The following GNA12 variants were observed in gnomAD, a reference collection of about 807,000 sequenced individuals.
GNA12 encodes guanine nucleotide-binding protein subunit alpha-12.
A neutral mutation model predicts 26.0 loss-of-function variants in GNA12; 9 were observed. The observed-to-expected ratio is 0.35, with a 90% CI of 0.21 to 0.60. GNA12 has a LOEUF of 0.60. Among genes scored for constraint, GNA12 ranks in the 20% least tolerant of loss-of-function variants. GNA12 has a pLI of 0.78. For synonymous variants in GNA12, 264 were observed against 219.6 expected (o/e 1.20, Z -1.79); for missense variants, 405 against 525.8 (o/e 0.77, Z 2.25).
At chr7:2,777,383 A>C (rs117826055) in intron 2 of GNA12, among the ~76,000 whole-genome samples, 5 of 152,242 alleles carry the variant, frequency 3.3e-5, no homozygotes, top group Non-Finnish European at 7.3e-5. Context: ...GGGCGAAGCT[A>C]TATGTTTGGA....
chr7:2,827,885 T>C (rs899207716), intron 1 of GNA12, among the ~76,000 whole-genome samples: 2 of 152,086 alleles, frequency 1.3e-5, no homozygotes, highest in African/African-American at 4.8e-5. Context: ...AACACCTACA[T>C]TTGAAACATT....
chr7:2,787,697 C>T (rs1027872312), intron 2 of GNA12, among the ~76,000 whole-genome samples: 1 of 152,250 alleles, frequency 6.6e-6, no homozygotes, highest in African/African-American at 2.4e-5. Flanking sequence ...ATTCTTGACA[C>T]TGGCCAGGCA....
At chr7:2,743,019 A>AGGGCT in intron 2 of GNA12, among the ~76,000 whole-genome samples, 1 of 152,232 alleles carries the variant, frequency 6.6e-6, no homozygotes, top group Non-Finnish European at 1.5e-5. Context: ...TCAGACAGAA[A>AGGGCT]GCCTACCATC....
chr7:2,732,546 A>G (rs552951591), intron 3 of GNA12, among the ~76,000 whole-genome samples: 15 of 152,284 alleles, frequency 9.9e-5, no homozygotes, highest in Admixed American at 2.6e-4. Flanking sequence ...ACCCTGTCTC[A>G]AAAAATCGAA....
chr7:2,782,724 A>G (rs1792261067), intron 2 of GNA12, among the ~76,000 whole-genome samples: 1 of 151,424 alleles, frequency 6.6e-6, no homozygotes, highest in African/African-American at 2.4e-5. Context: ...TTTACCAGCC[A>G]CCGTCACTTC....
intron 2 of GNA12, among the ~76,000 whole-genome samples, chr7:2,755,329 C>G (rs1791242887): frequency 1.3e-5 from 2 of 152,356 alleles, no homozygotes; most frequent in Admixed American, 6.5e-5. Context: ...TGTGTCAAAT[C>G]TGTGTATCAA....
intron 1 of GNA12, among the ~76,000 whole-genome samples, chr7:2,799,895 G>C (rs1017027695): frequency 6.6e-6 from 1 of 152,184 alleles, no homozygotes; most frequent in Non-Finnish European, 1.5e-5. Context: ...CGGAGGTGAG[G>C]AGGCGGAGAC....
rs35870081 is a variant in GNA12 at position 2,807,585 on chromosome 7, GA to G, written c.310-12443del. ...GAGCATTAAAATAAGGTATAAGAGAGAAAAAAAAAAAAACCTAGCCAGGATA... is the reference window on the plus strand; with the variant it reads ...GAGCATTAAAATAAGGTATAAGAGAGAAAAAAAAAAAACCTAGCCAGGATA... On this transcript the variant is annotated intron_variant, in intron 1 of 3. Transcript: ENST00000275364. Among the ~76,000 whole-genome samples the G allele has an allele frequency of 2.9e-3, 390 of 136,280 alleles. 4 individuals are homozygous for G. The highest frequency in any genetic ancestry group is 8.2e-3 in the South Asian group (35 of 4,286). The allele number at this position is 136,280 out of a possible 152,430, so 89.4% of individuals were successfully genotyped here.
intron 2 of GNA12, among the ~76,000 whole-genome samples, chr7:2,771,808 C>T (rs1583267988): frequency 6.6e-6 from 1 of 151,550 alleles, no homozygotes. Context: ...TGTGGAAGGG[C>T]TAGCTCATGT....
At position 2,843,568 on chromosome 7, in the gene GNA12, G is replaced by C. The variant is rs144800694; in HGVS notation, c.309+285C>G. Among the ~76,000 whole-genome samples, 719 of 152,142 alleles carry C rather than the reference G, an allele frequency of 4.7e-3. 3 individuals are homozygous for C. Among genetic ancestry groups the C allele is most frequent in the Non-Finnish European group, 8.2e-3 (555 of 67,990 alleles). The stretch of plus-strand genomic sequence containing the variant: ...AGGCTAAGGAGGGAGTAGGGCTTGA[G>C]CCTGGGAGGTCGAGGCTGCAGTGAG... On this transcript the variant is annotated intron_variant, in intron 1 of 3. Transcript: ENST00000275364.
At chr7:2,806,244 C>T (rs1428453888) in intron 1 of GNA12, among the ~76,000 whole-genome samples, 1 of 151,956 alleles carries the variant, frequency 6.6e-6, no homozygotes, top group Non-Finnish European at 1.5e-5. Context: ...TTTGGGAAGC[C>T]AAGGCAGGCA....
chr7:2,803,264 C>A lies in GNA12; in HGVS notation c.310-8121G>T, dbSNP rs147628226. On this transcript the variant is annotated intron_variant, in intron 1 of 3. Coordinates refer to ENST00000275364, the MANE Select transcript of GNA12 (RefSeq NM_007353.3). ...ACCGTCGGAGGACAGCCAGAATCGC[C>A]ACCGCTGGTGAGGCCTCGCTCACAG... 1.8e-3 allele frequency among the ~76,000 whole-genome samples: 273 copies of A among 152,294 alleles called. 3 individuals are homozygous for A. The highest frequency in any genetic ancestry group is 6.1e-3 in the African/African-American group (254 of 41,560).
At chr7:2,804,360 C>T (rs888222531) in intron 1 of GNA12, among the ~76,000 whole-genome samples, 2 of 152,172 alleles carry the variant, frequency 1.3e-5, no homozygotes, top group African/African-American at 4.8e-5. Context: ...TATATATAGA[C>T]GGGTGTGTGT....
chr7:2,773,786 C>G (rs1026281654), intron 2 of GNA12, among the ~76,000 whole-genome samples: 4 of 152,182 alleles, frequency 2.6e-5, no homozygotes, highest in African/African-American at 9.7e-5. Flanking sequence ...AGGGAAATGC[C>G]TACATCTCTT....
At chr7:2,759,136 T>G (rs1791436582) in intron 2 of GNA12, among the ~76,000 whole-genome samples, 1 of 138,580 alleles carries the variant, frequency 7.2e-6, no homozygotes, top group Non-Finnish European at 1.6e-5. Flanking sequence ...CAAAACACTG[T>G]CTCAAAATAA....
chr7:2,763,866 G>A lies in GNA12; in HGVS notation c.526-30365C>T, dbSNP rs554346908. Among the ~76,000 whole-genome samples, 3 of 152,344 alleles carry A rather than the reference G, an allele frequency of 2.0e-5. No individual in the cohort carries two copies. The East Asian group carries it at 5.8e-4, about 29-fold the overall frequency. On this transcript the variant is annotated intron_variant, in intron 2 of 3. Coordinates refer to ENST00000275364, the MANE Select transcript of GNA12 (RefSeq NM_007353.3). ...CAGTGGCCTCCATGGCTGGCAGAGA[G>A]CGAGGGAGACGGAGAGAGAAGGAGC...
chr7:2,825,225 C>T (rs911229922), intron 1 of GNA12, among the ~76,000 whole-genome samples: 2 of 152,160 alleles, frequency 1.3e-5, no homozygotes, highest in Non-Finnish European at 2.9e-5. Flanking sequence ...AATCCTGGGG[C>T]GTGGGAGGGG....
chr7:2,773,178 G>A (rs1243456274), intron 2 of GNA12, among the ~76,000 whole-genome samples: 1 of 152,222 alleles, frequency 6.6e-6, no homozygotes, highest in African/African-American at 2.4e-5. Flanking sequence ...CGTGGGTGGT[G>A]GCTGTGTGAG....
At chr7:2,765,685 C>G (rs1013895077) in intron 2 of GNA12, among the ~76,000 whole-genome samples, 4 of 151,420 alleles carry the variant, frequency 2.6e-5, no homozygotes, top group African/African-American at 7.3e-5. Context: ...GGCTGGAGTG[C>G]GATGGCATGA....
Sources: gnomAD v4.1 joint callset for allele counts (sites outside exome capture counted in the v4.1 genomes callset) on GRCh38, gnomAD v4.1.1 for gene constraint, MANE v1.5 for transcripts, NCBI Gene and HGNC (gene_info 2026-07-23, HGNC 2026-07-21) for gene names.